PRKD3: variants seen among roughly 807,000 people sequenced by gnomAD.
PRKD3 encodes protein kinase D3.
In PRKD3, 47 loss-of-function variants were observed where a neutral mutation model predicts 99.2. The observed-to-expected ratio is 0.47, with a 90% confidence interval of 0.38 to 0.60. The LOEUF (loss-of-function observed/expected upper bound fraction) is 0.60. PRKD3 is among the 20% of genes least tolerant of loss of function. The pLI, the probability that PRKD3 is intolerant of heterozygous loss-of-function variation, is 0.00. For missense variants in PRKD3, 1,019 were observed against 1,088.4 expected (o/e 0.94, Z 0.90); for synonymous variants, 392 against 355.4 (o/e 1.10, Z -1.16).
At chr2:37,303,714 T>C (rs1671040243) in intron 2 of PRKD3, among the ~76,000 whole-genome samples, 1 of 152,166 alleles carries the variant, frequency 6.6e-6, no homozygotes, top group Non-Finnish European at 1.5e-5. Context: ...TCACTGAGAT[T>C]ACAGGTATGA....
chr2:37,267,565 T>A, intron 13 of PRKD3, 29 bp from the exon 14 acceptor site: 1 of 1,458,794 alleles, frequency 6.9e-7, no homozygotes, highest in Non-Finnish European at 9.6e-7. Context: ...GAGGAACGAA[T>A]GAAGCAAACT....
At chr2:37,272,966 C>G (rs78230499) in intron 11 of PRKD3, among the ~76,000 whole-genome samples, 1 of 137,396 alleles carries the variant, frequency 7.3e-6, no homozygotes, top group Non-Finnish European at 1.5e-5. Flanking sequence ...GGCGACATAG[C>G]GAGACCCTGT....
chr2:37,268,416 A>T (rs959961365), intron 13 of PRKD3: 1 of 462,246 alleles, frequency 2.2e-6, no homozygotes, highest in Non-Finnish European at 4.5e-6. Context: ...TGCAGAGTCA[A>T]CACATTTTCT....
At chr2:37,253,405 C>A in intron 18 of PRKD3, 55 bp from the exon 19 acceptor site, 1 of 1,483,676 alleles carries the variant, frequency 6.7e-7, no homozygotes, top group Non-Finnish European at 9.1e-7. Context: ...TACTGTCAAC[C>A]TGGTTTTTGT....
chr2:37,294,620 G>T (rs1670595093), intron 2 of PRKD3, among the ~76,000 whole-genome samples: 4 of 151,936 alleles, frequency 2.6e-5, no homozygotes. Context: ...CAATTAAAAA[G>T]ATACAAGTAA....
intron 2 of PRKD3, among the ~76,000 whole-genome samples, chr2:37,308,895 C>T (rs1291141114): frequency 6.6e-6 from 1 of 151,904 alleles, no homozygotes; most frequent in East Asian, 1.9e-4. Context: ...GTACCTTGTG[C>T]TTATCTATTT....
intron 6 of PRKD3, among the ~76,000 whole-genome samples, chr2:37,284,843 C>A (rs185942721): frequency 6.6e-6 from 1 of 152,130 alleles, no homozygotes; most frequent in African/African-American, 2.4e-5. Context: ...GCACAACGTG[C>A]AGGTTAGTTA....
intron 17 of PRKD3, among the ~76,000 whole-genome samples, chr2:37,255,313 AAC>A (rs1553364155): frequency 2.8e-4 from 8 of 28,104 alleles, no homozygotes; most frequent in African/African-American, 4.1e-4. Context: ...CTTTTGGAAA[AAC>A]AAAAAAGATC....
chr2:37,295,713 T>C (rs1670645236), intron 2 of PRKD3, among the ~76,000 whole-genome samples: 1 of 152,222 alleles, frequency 6.6e-6, no homozygotes, highest in Admixed American at 6.5e-5. Context: ...TTGATGGCTG[T>C]AAAAGTCTCA....
chr2:37,281,123 T>A (rs547262585), intron 7 of PRKD3, among the ~76,000 whole-genome samples: 1 of 152,112 alleles, frequency 6.6e-6, no homozygotes, highest in Non-Finnish European at 1.5e-5. Context: ...GTGGTAGGGA[T>A]GTAGAGAAAT....
At position 37,264,615 on chromosome 2, in the gene PRKD3, T is replaced by G. The variant is rs1422969128; in HGVS notation, c.1884+2815A>C. On this transcript the variant is annotated intron_variant, in intron 14 of 18. Coordinates refer to ENST00000234179, the MANE Select transcript of PRKD3 (RefSeq NM_005813.6). ...AAATCCTGACGGAGACAAGGGAGTA[T>G]GACATGCAGATATTTGAGGGAGAAA... 2.0e-5 allele frequency among the ~76,000 whole-genome samples: 3 copies of G among 152,236 alleles called. No individual in the cohort carries two copies. The East Asian group carries it at 5.8e-4, about 29-fold the overall frequency.
At chr2:37,314,743 A>G (rs1048696673) in intron 2 of PRKD3, among the ~76,000 whole-genome samples, 6 of 152,186 alleles carry the variant, frequency 3.9e-5, no homozygotes, top group African/African-American at 1.4e-4. Flanking sequence ...AGGGAACATT[A>G]TATTTAAGTT....
intron 6 of PRKD3, among the ~76,000 whole-genome samples, chr2:37,283,613 C>T (rs1669954492): frequency 6.6e-6 from 1 of 152,130 alleles, no homozygotes; most frequent in Admixed American, 6.5e-5. Context: ...TATTATCTTG[C>T]ACTACCTCTT....
chr2:37,271,175 C>G (rs1411891856), intron 12 of PRKD3, among the ~76,000 whole-genome samples: 3 of 152,158 alleles, frequency 2.0e-5, no homozygotes, highest in African/African-American at 7.2e-5. Context: ...AGATTTTAAT[C>G]TGAGAAATTA....
chr2:37,268,707 A>T (rs2148521450), intron 13 of PRKD3: 1 of 174,514 alleles, frequency 5.7e-6, no homozygotes, highest in Non-Finnish European at 1.2e-5. Flanking sequence ...AGACAAAGGG[A>T]TGGAGAAGGA....
intron 2 of PRKD3, among the ~76,000 whole-genome samples, chr2:37,297,582 C>T (rs1237048244): frequency 6.6e-6 from 1 of 152,146 alleles, no homozygotes; most frequent in Non-Finnish European, 1.5e-5. Flanking sequence ...TACCACATCA[C>T]CTTTAACTGT....
chr2:37,262,569 G>A (rs1007007961), intron 14 of PRKD3, among the ~76,000 whole-genome samples: 4 of 152,112 alleles, frequency 2.6e-5, no homozygotes, highest in African/African-American at 9.7e-5. Flanking sequence ...CATAGTGGTG[G>A]GGTGTGACAA....
intron 6 of PRKD3, among the ~76,000 whole-genome samples, chr2:37,285,429 A>G (rs1419686320): frequency 6.6e-6 from 1 of 152,204 alleles, no homozygotes; most frequent in African/African-American, 2.4e-5. Flanking sequence ...GTGGGTCCCT[A>G]TCATAATTTT....
chr2:37,289,659 G>A lies in PRKD3; in HGVS notation c.560-146C>T, dbSNP rs1670302976. On this transcript the variant is annotated intron_variant, in intron 4 of 18. Transcript: ENST00000234179. ...ATTAAGAACCCAGACAGCAGGCTAA[G>A]TGGAAGCTAATGAATTCAAGAAGAA... 4.7e-6 allele frequency: 3 copies of A among 643,362 alleles called. No individual in the cohort carries two copies. In the Admixed American group the frequency reaches 9.5e-5, roughly 20 times the overall value. 39.9% of individuals were successfully genotyped at this position (643,362 alleles called of 1,614,324 possible).
Sources: allele counts gnomAD v4.1 joint callset (sites outside exome capture counted in the v4.1 genomes callset), GRCh38; gene constraint gnomAD v4.1.1; transcripts MANE v1.5; gene names NCBI Gene and HGNC (gene_info 2026-07-23, HGNC 2026-07-21).